The following NEGR1 variants were observed in gnomAD, a reference collection of about 807,000 sequenced individuals.
The protein encoded by NEGR1 is neuronal growth regulator 1.
A neutral mutation model predicts 40.9 loss-of-function variants in NEGR1; 10 were observed. The ratio of observed to expected loss-of-function variants is 0.24; its 90% CI spans 0.15 to 0.42. The LOEUF is 0.42. NEGR1 is among the 10% of genes least tolerant of loss of function. The pLI, the probability that NEGR1 is intolerant of heterozygous loss-of-function variation, is 1.00. For missense variants in NEGR1, 352 were observed against 438.9 expected (o/e 0.80, Z 1.77); for synonymous variants, 185 against 166.8 (o/e 1.11, Z -0.84).
intron 4 of NEGR1, among the ~76,000 whole-genome samples, chr1:71,668,552 C>A (rs1414740374): frequency 6.6e-6 from 1 of 152,026 alleles, no homozygotes; most frequent in Admixed American, 6.6e-5. Flanking sequence ...TTCATTGGTA[C>A]TGGAAATAGC....
chr1:71,713,264 G>T (rs1654167526), intron 3 of NEGR1, among the ~76,000 whole-genome samples: 1 of 152,142 alleles, frequency 6.6e-6, no homozygotes, highest in Non-Finnish European at 1.5e-5. Flanking sequence ...ACTTACTGAT[G>T]ACCTACGGGA....
chr1:71,474,366 G>A (rs1205650389), intron 6 of NEGR1, among the ~76,000 whole-genome samples: 2 of 151,050 alleles, frequency 1.3e-5, no homozygotes, highest in Non-Finnish European at 3.0e-5. Context: ...GTCTATGTGT[G>A]ACAATGAGAG....
intron 1 of NEGR1, among the ~76,000 whole-genome samples, chr1:72,042,580 C>G (rs11805831): frequency 6.6e-6 from 1 of 151,970 alleles, no homozygotes; most frequent in Non-Finnish European, 1.5e-5. Flanking sequence ...CTCCCTTCAA[C>G]CTACCCTCTT....
At chr1:72,224,104 A>AGAAAACTAT (rs1654099769) in intron 1 of NEGR1, among the ~76,000 whole-genome samples, 1 of 152,172 alleles carries the variant, frequency 6.6e-6, no homozygotes, top group South Asian at 2.1e-4. Context: ...TTTGAAGATT[A>AGAAAACTAT]GAAAACTATT....
At chr1:71,933,336 T>C (rs1645872739) in intron 2 of NEGR1, among the ~76,000 whole-genome samples, 1 of 152,064 alleles carries the variant, frequency 6.6e-6, no homozygotes, top group Non-Finnish European at 1.5e-5. Context: ...AATATAGACC[T>C]AATATGGAAC....
At chr1:71,845,916 C>G (rs1659391591) in intron 2 of NEGR1, among the ~76,000 whole-genome samples, 2 of 140,274 alleles carry the variant, frequency 1.4e-5, no homozygotes, top group South Asian at 4.8e-4. Context: ...CATGCCACGG[C>G]ACCTGGCTTT....
At chr1:71,874,758 C>T (rs1029895393) in intron 2 of NEGR1, among the ~76,000 whole-genome samples, 2 of 152,236 alleles carry the variant, frequency 1.3e-5, no homozygotes, top group Admixed American at 1.3e-4. Flanking sequence ...TTGATTTTCA[C>T]TTAGTATCAT....
At chr1:72,143,146 G>A (rs1040637242) in intron 1 of NEGR1, among the ~76,000 whole-genome samples, 2 of 151,856 alleles carry the variant, frequency 1.3e-5, no homozygotes, top group East Asian at 1.9e-4. Flanking sequence ...GTTGGAAGCC[G>A]AGAGGCTCAA....
At chr1:71,999,552 T>C (rs1047587141) in intron 1 of NEGR1, among the ~76,000 whole-genome samples, 1 of 147,690 alleles carries the variant, frequency 6.8e-6, no homozygotes, top group Non-Finnish European at 1.5e-5. Context: ...TTGTTAATTC[T>C]GTCTTCTGAA....
chr1:71,820,344 T>C (rs1658382938), intron 2 of NEGR1, among the ~76,000 whole-genome samples: 1 of 151,984 alleles, frequency 6.6e-6, no homozygotes, highest in African/African-American at 2.4e-5. Flanking sequence ...AAAGAACCCA[T>C]TCAGTGAAGA....
At chr1:71,721,534 CA>C (rs769026481) in intron 3 of NEGR1, among the ~76,000 whole-genome samples, 1 of 152,034 alleles carries the variant, frequency 6.6e-6, no homozygotes, top group East Asian at 1.9e-4. Context: ...ACATGCTTTG[CA>C]GGGGGAAGTA....
rs531005973 is a variant in NEGR1 at position 72,120,588 on chromosome 1, C to T, written c.176+161731G>A. ...GGTTAGTTACATATGTATACATGTGCCATGCTGGTGCGCTGCACCCACTAA... is the reference window on the plus strand; with the variant it reads ...GGTTAGTTACATATGTATACATGTGTCATGCTGGTGCGCTGCACCCACTAA... On this transcript the variant is annotated intron_variant, in intron 1 of 6. Transcript: ENST00000357731. Among the ~76,000 whole-genome samples, 5 of 151,708 alleles carry T rather than the reference C, an allele frequency of 3.3e-5. No homozygotes were observed. The East Asian group carries it at 7.8e-4, about 24-fold the overall frequency.
chr1:72,270,845 C>A (rs1655818208), intron 1 of NEGR1, among the ~76,000 whole-genome samples: 1 of 151,804 alleles, frequency 6.6e-6, no homozygotes, highest in Non-Finnish European at 1.5e-5. Context: ...TGCACCCCAA[C>A]AGCTAAAACA....
At chr1:71,602,711 C>T (rs1309460024) in intron 5 of NEGR1, among the ~76,000 whole-genome samples, 1 of 152,154 alleles carries the variant, frequency 6.6e-6, no homozygotes, top group Non-Finnish European at 1.5e-5. Flanking sequence ...TTAGGGTTCC[C>T]TGAAAATTTT....
intron 1 of NEGR1, among the ~76,000 whole-genome samples, chr1:72,153,330 C>T (rs1331352288): frequency 1.3e-5 from 2 of 151,840 alleles, no homozygotes; most frequent in African/African-American, 4.8e-5. Flanking sequence ...AGAAAAGGCA[C>T]ACACAAATAC....
At chr1:71,690,404 T>C (rs187268073) in intron 4 of NEGR1, among the ~76,000 whole-genome samples, 1 of 151,952 alleles carries the variant, frequency 6.6e-6, no homozygotes, top group Admixed American at 6.6e-5. Flanking sequence ...ACTATATGTT[T>C]GTACTGACTA....
intron 6 of NEGR1, among the ~76,000 whole-genome samples, chr1:71,427,220 A>G (rs1327194269): frequency 1.3e-5 from 2 of 152,324 alleles, no homozygotes; most frequent in East Asian, 3.9e-4. Flanking sequence ...AATCTCCTAC[A>G]TGACCCAGAC....
chr1:71,823,184 G>C (rs1303310253), intron 2 of NEGR1, among the ~76,000 whole-genome samples: 1 of 149,106 alleles, frequency 6.7e-6, no homozygotes, highest in Non-Finnish European at 1.5e-5. Flanking sequence ...GCTTCCTCCA[G>C]AGTCCCAATT....
Position 71,473,635 on chromosome 1 carries a change from A to G in NEGR1, c.941-66065T>C, listed in dbSNP as rs549711015. Among the ~76,000 whole-genome samples, 118 of 152,112 alleles carry G rather than the reference A, an allele frequency of 7.8e-4. 1 individual carries two copies. Among genetic ancestry groups the G allele is most frequent in the Non-Finnish European group, 9.6e-4 (65 of 68,006 alleles). ...CTACAGATAGGGAGTTTTTATTGAG[A>G]ACATATATTTTGTAGGATATATTTG... is the stretch of plus-strand genomic sequence containing the variant. On this transcript the variant is annotated intron_variant, in intron 6 of 6. Coordinates refer to ENST00000357731, the MANE Select transcript of NEGR1 (RefSeq NM_173808.3).
Sources: allele counts gnomAD v4.1 joint callset (sites outside exome capture counted in the v4.1 genomes callset), GRCh38; gene constraint gnomAD v4.1.1; transcripts MANE v1.5; gene names NCBI Gene and HGNC (gene_info 2026-07-23, HGNC 2026-07-21).